The following ATP1A4 variants were observed in gnomAD, a reference collection of about 807,000 sequenced individuals.
ATP1A4 encodes ATPase Na+/K+ transporting subunit alpha 4.
A neutral mutation model predicts 114.3 loss-of-function variants in ATP1A4; 90 were observed. That is an observed-to-expected ratio of 0.79 (90% CI 0.66 to 0.94). The LOEUF is 0.94. Among genes scored for constraint, ATP1A4 ranks in the 40% least tolerant of loss-of-function variants. The probability of loss-of-function intolerance (pLI) is 0.00; values close to 1 mark genes in which losing one functional copy is unlikely to be tolerated. For missense variants in ATP1A4, 1,222 were observed against 1,313.6 expected (o/e 0.93, Z 1.08); for synonymous variants, 511 against 494.1 (o/e 1.03, Z -0.45).
chr1:160,181,716 A>G lies in ATP1A4; in HGVS notation c.2769A>G (p.Thr923=), dbSNP rs758466526. 3 of 1,614,160 alleles carry G rather than the reference A, an allele frequency of 1.9e-6. No individual in the cohort carries two copies. The South Asian group carries it at 3.3e-5, about 18-fold the overall frequency. Residue 923 remains threonine, a synonymous_variant, in exon 19 of 22, where the codon ACA becomes ACG. Coordinates refer to ENST00000368081, the MANE Select transcript of ATP1A4 (RefSeq NM_144699.4). ...AGCAACGAAAAGTTGTGGAGTTCAC[A>G]TGCCAAACGGCCTTTTTTGTCACCA... ...TYEQRKVVEF[T]CQTAFFVTIV...
chr1:160,153,343 C>G (rs1652525835), intron 2 of ATP1A4, 119 bp downstream of exon 2: 1 of 828,284 alleles, frequency 1.2e-6, no homozygotes. Flanking sequence ...TCCCACCCCT[C>G]ACCCTCTGCC....
Position 160,180,694 on chromosome 1 carries a change from C to CTTTTTTTTTTT in ATP1A4, c.2737-962_2737-952dup, listed in dbSNP as rs536915261. Among the ~76,000 whole-genome samples, 2 of 68,408 alleles carry CTTTTTTTTTTT rather than the reference C, an allele frequency of 2.9e-5. 1 individual carries two copies. Among genetic ancestry groups the CTTTTTTTTTTT allele is most frequent in the African/African-American group, 1.3e-4 (2 of 15,430 alleles). 44.9% of individuals were successfully genotyped at this position (68,408 alleles called of 152,430 possible). On this transcript the variant is annotated intron_variant, in intron 18 of 21. Coordinates refer to ENST00000368081, the MANE Select transcript of ATP1A4 (RefSeq NM_144699.4). ...ATATCCCCTGACTCTGCCTTCTTCC[C>CTTTTTTTTTTT]TTTTTTTTTTTTTTTTTTTTTTTTT... is the stretch of plus-strand genomic sequence containing the variant.
At chr1:160,156,482 G>C (rs1308165486) in intron 4 of ATP1A4, among the ~76,000 whole-genome samples, 3 of 151,782 alleles carry the variant, frequency 2.0e-5, no homozygotes, top group African/African-American at 7.3e-5. Context: ...GGGTGCGGTG[G>C]GGGGTGGCTG....
At chr1:160,166,890 G>T (rs1461456566) in intron 8 of ATP1A4, 78 bp from the exon 9 acceptor site, 2 of 1,517,602 alleles carry the variant, frequency 1.3e-6, no homozygotes, top group Non-Finnish European at 1.8e-6. Context: ...AAGTATCTGG[G>T]TGCCAAAGAG....
chr1:160,180,504 C>T (rs1257869675), intron 18 of ATP1A4, among the ~76,000 whole-genome samples: 2 of 152,096 alleles, frequency 1.3e-5, no homozygotes, highest in African/African-American at 2.4e-5. Context: ...ACATGGTTAG[C>T]ATAATTATTT....
intron 6 of ATP1A4, among the ~76,000 whole-genome samples, chr1:160,160,123 C>A (rs1652816999): frequency 6.6e-6 from 1 of 152,156 alleles, no homozygotes; most frequent in Non-Finnish European, 1.5e-5. Context: ...TGCCCTTTCC[C>A]CTTAAGGAGG....
At chr1:160,152,900 G>A (rs1652505607) in intron 1 of ATP1A4, among the ~76,000 whole-genome samples, 1 of 152,132 alleles carries the variant, frequency 6.6e-6, no homozygotes, top group Admixed American at 6.5e-5. Flanking sequence ...TGGTCCTGGT[G>A]ATGGGCCCCT....
At chr1:160,152,906 C>A (rs1226821423) in intron 1 of ATP1A4, among the ~76,000 whole-genome samples, 1 of 152,070 alleles carries the variant, frequency 6.6e-6, no homozygotes, top group Non-Finnish European at 1.5e-5. Flanking sequence ...TGGTGATGGG[C>A]CCCTGTAATC....
chr1:160,185,145 C>T (rs1653834533), intron 20 of ATP1A4, among the ~76,000 whole-genome samples: 1 of 149,702 alleles, frequency 6.7e-6, no homozygotes, highest in African/African-American at 2.5e-5. Context: ...CTTGGTCTCG[C>T]TCTGTCGCCC....
Position 160,154,762 on chromosome 1 carries a change from G to A in ATP1A4, c.208-283G>A, listed in dbSNP as rs373534235. ...GGTAGGGACCATTCTTATTCATGTT[G>A]GTATCCTCAGCACCTAGGACCCGAG... is the stretch of plus-strand genomic sequence containing the variant. On this transcript the variant is annotated intron_variant, in intron 2 of 21. Coordinates refer to ENST00000368081, the MANE Select transcript of ATP1A4 (RefSeq NM_144699.4). 4.6e-5 allele frequency among the ~76,000 whole-genome samples: 7 copies of A among 152,186 alleles called. No individual in the cohort carries two copies. In the South Asian group the frequency reaches 1.2e-3, roughly 27 times the overall value.
chr1:160,152,146 C>T lies in ATP1A4; in HGVS notation c.106C>T (p.Gln36Ter), dbSNP rs748476091. ...GAAAAAAATGGTGAAGAGGGAAAAA[C>T]AGAAGCGCAATATGGAGGAACTGAA... ...IKKKMVKREK[Q>*]KRNMEELKKE... Residue 36 changes from glutamine to a stop codon, truncating the protein, a stop_gained, in exon 1 of 22, where the codon CAG becomes TAG. Coordinates refer to ENST00000368081, the MANE Select transcript of ATP1A4 (RefSeq NM_144699.4). LOFTEE classifies it high-confidence loss of function. 9.3e-6 allele frequency: 15 copies of T among 1,613,940 alleles called. No homozygotes were observed. The highest frequency in any genetic ancestry group is 3.3e-5 in the Admixed American group (2 of 60,012).
intron 16 of ATP1A4, 28 bp from the exon 17 acceptor site, chr1:160,176,451 C>T (rs1557806181): frequency 1.9e-6 from 3 of 1,613,908 alleles, no homozygotes; most frequent in Admixed American, 1.7e-5. Flanking sequence ...CTTTGTGACC[C>T]CTGTCATCCC....
chr1:160,160,117 C>T (rs72706643), intron 6 of ATP1A4, among the ~76,000 whole-genome samples: 1 of 152,336 alleles, frequency 6.6e-6, no homozygotes, highest in Non-Finnish European at 1.5e-5. Flanking sequence ...CTCCTTTGCC[C>T]TTTCCCCTTA....
rs1653519828 is a variant in ATP1A4, at chr1:160,177,550, C to G, written c.2622C>G (p.Thr874=). 1.2e-6 allele frequency: 2 copies of G among 1,614,186 alleles called. No homozygotes were observed. Among genetic ancestry groups the G allele is most frequent in the Non-Finnish European group, 8.5e-7 (1 of 1,180,028 alleles). The part of the protein sequence containing the change: ...GMIQALAGFF[T]YFVILAENGF... ...TCCAGGCTCTGGCTGGATTCTTTAC[C>G]TACTTTGTAATCCTGGCTGAGAATG... Residue 874 remains threonine, a synonymous_variant, in exon 18 of 22, where the codon ACC becomes ACG. Coordinates refer to ENST00000368081, the MANE Select transcript of ATP1A4 (RefSeq NM_144699.4).
chr1:160,186,852 T>A lies in ATP1A4; in HGVS notation c.*153T>A. ...ATCCTGGGCTGGCTTGAGGGAATCA[T>A]GGGCAGAGGATGAGGTGGGCTGAAG... On this transcript the variant is annotated 3_prime_UTR_variant, in exon 22 of 22. Coordinates refer to ENST00000368081, the MANE Select transcript of ATP1A4 (RefSeq NM_144699.4). 1 of 894,772 alleles carries A rather than the reference T, an allele frequency of 1.1e-6. No individual in the cohort carries two copies. Among genetic ancestry groups the A allele is most frequent in the Non-Finnish European group, 1.8e-6 (1 of 567,884 alleles). 55.4% of individuals were successfully genotyped at this position (894,772 alleles called of 1,614,324 possible).
At chr1:160,184,022 G>A (rs892976900) in intron 20 of ATP1A4, among the ~76,000 whole-genome samples, 12 of 147,930 alleles carry the variant, frequency 8.1e-5, no homozygotes, top group Admixed American at 2.1e-4. Context: ...GCGCAATCTC[G>A]GCTCACTGCA....
At position 160,181,925 on chromosome 1, in the gene ATP1A4, C is replaced by T. The variant is rs1042491349; in HGVS notation, c.2868-5C>T. 6.2e-7 allele frequency: 1 copy of T among 1,613,428 alleles called. No individual in the cohort carries two copies. Among genetic ancestry groups the T allele is most frequent in the South Asian group, 1.1e-5 (1 of 91,070 alleles). ...CCCGCCACACCCATGAATGTTTCTTCCCAGAAACAAAGTCTTAATATTTGG... is the reference window on the plus strand; with the variant it reads ...CCCGCCACACCCATGAATGTTTCTTTCCAGAAACAAAGTCTTAATATTTGG... On this transcript the variant is annotated splice_region_variant and splice_polypyrimidine_tract_variant and intron_variant, in intron 19 of 21. Coordinates refer to ENST00000368081, the MANE Select transcript of ATP1A4 (RefSeq NM_144699.4).
chr1:160,154,185 C>A (rs1416664725), intron 2 of ATP1A4, among the ~76,000 whole-genome samples: 1 of 152,136 alleles, frequency 6.6e-6, no homozygotes, highest in Non-Finnish European at 1.5e-5. Context: ...GAAACCCCAT[C>A]TGTATTAAAA....
chr1:160,153,013 A>T (rs990073508), intron 1 of ATP1A4, 152 bp from the exon 2 acceptor site: 21 of 625,922 alleles, frequency 3.4e-5, no homozygotes, highest in Middle Eastern at 3.1e-4. Flanking sequence ...CCTGGGCAAC[A>T]GAGTGACTCC....
Sources: allele counts gnomAD v4.1 joint callset (sites outside exome capture counted in the v4.1 genomes callset), GRCh38; gene constraint gnomAD v4.1.1; transcripts MANE v1.5; gene names NCBI Gene and HGNC (gene_info 2026-07-23, HGNC 2026-07-21).